NTMT1: variants seen among roughly 807,000 people sequenced by gnomAD.
NTMT1 encodes N-terminal RCC1 methyltransferase.
In NTMT1, 8 loss-of-function variants were observed where a neutral mutation model predicts 17.5. The ratio of observed to expected loss-of-function variants is 0.46; its 90% CI spans 0.27 to 0.82. NTMT1 has a LOEUF of 0.82. Ranked by LOEUF, NTMT1 falls within the 40% of genes least tolerant of loss-of-function variation. The pLI, the probability that NTMT1 is intolerant of heterozygous loss-of-function variation, is 0.15. For synonymous variants in NTMT1, 128 were observed against 126.8 expected, an observed-to-expected ratio of 1.01 and a Z score of -0.06; for missense variants, 221 against 303.5, an observed-to-expected ratio of 0.73 and a Z score of 2.02.
Position 129,614,203 on chromosome 9 carries a change from G to A in NTMT1, c.-55+5025G>A, listed in dbSNP as rs891420082. Among the ~76,000 whole-genome samples, 13 of 152,160 alleles carry A rather than the reference G, an allele frequency of 8.5e-5. No homozygotes were observed. The highest frequency in any genetic ancestry group is 4.6e-4 in the Admixed American group (7 of 15,270). On this transcript the variant is annotated intron_variant, in intron 1 of 3. Coordinates refer to the NTMT1 transcript ENST00000372486. The surrounding 1 kb of genome is among the most constrained non-coding windows in gnomAD (Gnocchi z 4.4). ...GGCCTTGGATTCCCAAGAGGGGCCC[G>A]GGGTCACTCTGGCTTCTATATGTGG... is the stretch of plus-strand genomic sequence containing the variant.
At chr9:129,635,094 C>A (rs908880903) in intron 3 of NTMT1, 114 bp from the exon 4 acceptor site, 36 of 1,261,128 alleles carry the variant, frequency 2.9e-5, no homozygotes, top group Non-Finnish European at 3.7e-5. Context: ...GCCATGTGTG[C>A]ACACAAAATG....
chr9:129,615,672 G>T (rs771624750), intron 1 of NTMT1: 26 of 1,505,174 alleles, frequency 1.7e-5, no homozygotes, highest in Non-Finnish European at 1.9e-5. Flanking sequence ...AGGGGCCTGT[G>T]CTCGAAGCCC....
chr9:129,619,456 A>G, intron 1 of NTMT1: 2 of 1,183,488 alleles, frequency 1.7e-6, no homozygotes, highest in South Asian at 1.4e-5. Context: ...CGAAAGAGGA[A>G]AGAAAGAAGG....
intron 1 of NTMT1, among the ~76,000 whole-genome samples, chr9:129,630,675 C>G (rs10123938): frequency 2.0e-5 from 3 of 152,178 alleles, no homozygotes; most frequent in African/African-American, 7.2e-5. Context: ...GTCAGGCAGA[C>G]GGTCTTGGAC....
At chr9:129,630,516 C>T (rs1831106311) in intron 1 of NTMT1, among the ~76,000 whole-genome samples, 1 of 152,206 alleles carries the variant, frequency 6.6e-6, no homozygotes, top group Non-Finnish European at 1.5e-5. Context: ...AGGCCTCGTG[C>T]TCCTTCTCAG....
At chr9:129,622,247 C>T (rs1830752800), upstream of NTMT1, among the ~76,000 whole-genome samples, 1 of 152,210 alleles carries the variant, frequency 6.6e-6, no homozygotes, top group South Asian at 2.1e-4. Flanking sequence ...AATCCCAGCA[C>T]TTTGGGAGGC....
chr9:129,629,331 C>T (rs1421401100), intron 1 of NTMT1, among the ~76,000 whole-genome samples: 1 of 152,190 alleles, frequency 6.6e-6, no homozygotes, highest in East Asian at 1.9e-4. Context: ...TTCCTGTCAG[C>T]TACCCGGGCA....
At chr9:129,632,520 G>A in intron 1 of NTMT1, 130 bp from the exon 2 acceptor site, 1 of 627,798 alleles carries the variant, frequency 1.6e-6, no homozygotes. Context: ...CAGATTTGGG[G>A]ACCCTGGACT....
At chr9:129,633,191 G>A in intron 2 of NTMT1, 1 of 427,546 alleles carries the variant, frequency 2.3e-6, no homozygotes, top group South Asian at 8.0e-5. Flanking sequence ...TTTGGACTGA[G>A]GGTGTTGGCT....
In NTMT1 at chr9:129,613,044, C is replaced by G. The variant is rs1564331824; in HGVS notation, c.-55+3866C>G. The G allele has an allele frequency of 6.2e-7, 1 of 1,600,300 alleles. No individual in the cohort carries two copies. Among genetic ancestry groups the G allele is most frequent in the Non-Finnish European group, 8.5e-7 (1 of 1,175,226 alleles). ...CCACTCCACCAAACAGGGCTGCTCC[C>G]GGAGCCAGCTGCCAGCAGGGGCTCA... On this transcript the variant is annotated intron_variant, in intron 1 of 3. Transcript: ENST00000372486. This position sits in a 1 kb window ranked among gnomAD's most constrained non-coding sequence, Gnocchi z 6.2.
In NTMT1 at chr9:129,620,547, C is replaced by A; in HGVS notation, c.-55+11369C>A. The A allele has an allele frequency of 7.1e-7, 1 of 1,402,502 alleles. No individual in the cohort carries two copies. The highest frequency in any genetic ancestry group is 2.7e-5 in the Admixed American group (1 of 37,600). The allele number at this position is 1,402,502 out of a possible 1,614,324, so 86.9% of individuals were successfully genotyped here. A position where few individuals can be genotyped will look rare whatever the true frequency, so the allele number is the denominator to read the frequency against. On this transcript the variant is annotated intron_variant, in intron 1 of 3. Transcript: ENST00000372486. The surrounding 1 kb of genome is among the most constrained non-coding windows in gnomAD (Gnocchi z 5.8). Reference sequence around the variant, plus strand: ...AGCCCCTTGGGCGCCAGGTCCTGGGCCCCTGGGCGAAGTCGACGCCAGAAC... The same window carrying A: ...AGCCCCTTGGGCGCCAGGTCCTGGGACCCTGGGCGAAGTCGACGCCAGAAC...
At chr9:129,635,014 C>T (rs1831445848) in intron 3 of NTMT1, 194 bp from the exon 4 acceptor site, 1 of 651,414 alleles carries the variant, frequency 1.5e-6, no homozygotes, top group Admixed American at 3.0e-5. Flanking sequence ...AGGTAGATGA[C>T]CTCTGAGCCA....
chr9:129,612,323 C>A, intron 1 of NTMT1: 1 of 1,596,436 alleles, frequency 6.3e-7, no homozygotes, highest in Non-Finnish European at 8.6e-7. Context: ...CCATGTGTGC[C>A]CCTGGCCTTG....
upstream of NTMT1, among the ~76,000 whole-genome samples, chr9:129,625,286 A>G (rs899777590): frequency 3.3e-5 from 5 of 152,204 alleles, no homozygotes; most frequent in African/African-American, 1.2e-4. Context: ...TGCTCATTTC[A>G]GTGGGAATCC....
At chr9:129,632,336 C>T (rs1831212339) in intron 1 of NTMT1, among the ~76,000 whole-genome samples, 1 of 152,140 alleles carries the variant, frequency 6.6e-6, no homozygotes, top group African/African-American at 2.4e-5. Context: ...CCTAGCTGCT[C>T]CGGAGGGTGA....
chr9:129,611,942 C>G (rs1178089642), intron 1 of NTMT1, among the ~76,000 whole-genome samples: 1 of 151,712 alleles, frequency 6.6e-6, no homozygotes, highest in African/African-American at 2.4e-5. Context: ...TTTTAAGAGA[C>G]AGGGTCTATG....
upstream of NTMT1, among the ~76,000 whole-genome samples, chr9:129,622,140 G>A (rs1366183814): frequency 6.6e-6 from 1 of 152,162 alleles, no homozygotes; most frequent in Non-Finnish European, 1.5e-5. Flanking sequence ...AGGCTGGGTG[G>A]CTCTGGAAGT....
rs972112680 is a variant in NTMT1 at position 129,620,610 on chromosome 9, G to A, written c.-55+11432G>A. On this transcript the variant is annotated intron_variant, in intron 1 of 3. Transcript: ENST00000372486. This position sits in a 1 kb window ranked among gnomAD's most constrained non-coding sequence, Gnocchi z 5.8. Reference sequence around the variant, plus strand: ...GCACTCAGCTCACCGCACCCTCAGCGCGCGTGGGTGGGGGGCGCCGGCTGA... The same window carrying A: ...GCACTCAGCTCACCGCACCCTCAGCACGCGTGGGTGGGGGGCGCCGGCTGA... 7.7e-7 allele frequency: 1 copy of A among 1,305,134 alleles called. No homozygotes were observed. The highest frequency in any genetic ancestry group is 3.1e-5 in the Admixed American group (1 of 32,096). 80.8% of individuals were successfully genotyped at this position (1,305,134 alleles called of 1,614,324 possible).
chr9:129,621,962 T>A (rs1830738238), upstream of NTMT1, among the ~76,000 whole-genome samples: 1 of 152,036 alleles, frequency 6.6e-6, no homozygotes, highest in Non-Finnish European at 1.5e-5. Flanking sequence ...CGCTTCAGGG[T>A]CATTGTGATC....
Sources: gnomAD v4.1 joint callset for allele counts (sites outside exome capture counted in the v4.1 genomes callset) on GRCh38, gnomAD v4.1.1 for gene constraint, Gnocchi (gnomAD v3.1) non-coding constraint, MANE v1.5 for transcripts, NCBI Gene and HGNC (gene_info 2026-07-23, HGNC 2026-07-21) for gene names.